ATP7B: variants seen among roughly 807,000 people sequenced by gnomAD.
The protein encoded by ATP7B is copper-transporting ATPase 2.
A neutral mutation model predicts 118.9 loss-of-function variants in ATP7B; 113 were observed. The observed-to-expected ratio is 0.95, with a 90% CI of 0.82 to 1.11. ATP7B has a LOEUF of 1.11. Ranked by LOEUF, ATP7B falls within the 50% of genes most tolerant of loss-of-function variation. The pLI, the probability that ATP7B is intolerant of heterozygous loss-of-function variation, is 0.00. For synonymous variants in ATP7B, 777 were observed against 727.4 expected (o/e 1.07, Z -1.10); for missense variants, 1,867 against 1,871.4 (o/e 1.00, Z 0.04).
chr13:51,963,083 A>T (rs1453326923), intron 5 of ATP7B, among the ~76,000 whole-genome samples: 1 of 151,606 alleles, frequency 6.6e-6, no homozygotes, highest in Non-Finnish European at 1.5e-5. Context: ...CAAGAGCAAA[A>T]CACCAACTCA....
intron 14 of ATP7B, among the ~76,000 whole-genome samples, chr13:51,943,155 T>C (rs1388763603): frequency 6.6e-6 from 1 of 152,168 alleles, no homozygotes; most frequent in Non-Finnish European, 1.5e-5. Context: ...GTTGTTCTCC[T>C]GAGCCTGACG....
At chr13:52,005,703 C>T (rs555373772) in intron 1 of ATP7B, among the ~76,000 whole-genome samples, 2 of 152,344 alleles carry the variant, frequency 1.3e-5, no homozygotes, top group South Asian at 4.1e-4. Flanking sequence ...TACCTCCAAA[C>T]TCTTCCAGCC....
chr13:51,984,594 A>T (rs910733564), intron 1 of ATP7B, among the ~76,000 whole-genome samples: 1 of 152,134 alleles, frequency 6.6e-6, no homozygotes, highest in African/African-American at 2.4e-5. Flanking sequence ...AAGAAGAGCA[A>T]CCCCAAGACA....
chr13:51,951,260 A>C (rs1402914013), intron 9 of ATP7B, among the ~76,000 whole-genome samples: 1 of 152,100 alleles, frequency 6.6e-6, no homozygotes, highest in Non-Finnish European at 1.5e-5. Flanking sequence ...GAGGGTAAAG[A>C]AAGGAATCAA....
chr13:51,964,528 C>T (rs2147362), intron 5 of ATP7B, among the ~76,000 whole-genome samples: 1 of 152,184 alleles, frequency 6.6e-6, no homozygotes, highest in Non-Finnish European at 1.5e-5. Flanking sequence ...ACAGATACTT[C>T]GTTTGGGCAA....
At chr13:52,006,023 T>A (rs191627352) in intron 1 of ATP7B, among the ~76,000 whole-genome samples, 1 of 152,264 alleles carries the variant, frequency 6.6e-6, no homozygotes, top group East Asian at 1.9e-4. Context: ...ACAAACAGCA[T>A]GAGCGATCTG....
intron 17 of ATP7B, among the ~76,000 whole-genome samples, chr13:51,938,292 C>T (rs1957096420): frequency 6.6e-6 from 1 of 152,224 alleles, no homozygotes; most frequent in Admixed American, 6.5e-5. Context: ...GTCCACCTTC[C>T]TGCAAGACCA....
intron 1 of ATP7B, among the ~76,000 whole-genome samples, chr13:51,992,839 A>G (rs1304300879): frequency 6.6e-6 from 1 of 151,694 alleles, no homozygotes; most frequent in Non-Finnish European, 1.5e-5. Flanking sequence ...TTAGCTAGGT[A>G]TGGTGTCAGG....
chr13:52,007,392 T>C (rs1441760743), intron 1 of ATP7B, among the ~76,000 whole-genome samples: 2 of 152,132 alleles, frequency 1.3e-5, no homozygotes, highest in East Asian at 3.9e-4. Context: ...CTGGCTCAGT[T>C]TCCCCATCTG....
At chr13:51,988,379 T>C (rs954387466) in intron 1 of ATP7B, among the ~76,000 whole-genome samples, 1 of 152,146 alleles carries the variant, frequency 6.6e-6, no homozygotes, top group Non-Finnish European at 1.5e-5. Context: ...CCAGTTAGGA[T>C]GGCAATCATT....
chr13:51,995,225 C>G (rs1953146529), intron 1 of ATP7B: 6 of 906,634 alleles, frequency 6.6e-6, no homozygotes, highest in Non-Finnish European at 7.9e-6. Context: ...TCCCCAATAT[C>G]CCACACAAGA....
chr13:51,997,790 C>T (rs1310818181), intron 1 of ATP7B, among the ~76,000 whole-genome samples: 1 of 152,188 alleles, frequency 6.6e-6, no homozygotes, highest in Admixed American at 6.5e-5. Context: ...TGGATCACAG[C>T]AGGTGACAAA....
intron 1 of ATP7B, among the ~76,000 whole-genome samples, chr13:51,984,583 C>A (rs1952565371): frequency 6.6e-6 from 1 of 152,072 alleles, no homozygotes; most frequent in Admixed American, 6.6e-5. Flanking sequence ...AGATACTCCT[C>A]AAGAAGAGCA....
chr13:51,942,190 G>A (rs1593664556), intron 15 of ATP7B, among the ~76,000 whole-genome samples, 196 bp downstream of exon 15: 1 of 152,178 alleles, frequency 6.6e-6, no homozygotes, highest in African/African-American at 2.4e-5. Flanking sequence ...TGAATTTAAG[G>A]CAGCCATAAG....
chr13:51,957,907 G>A (rs890212381), intron 8 of ATP7B: 3 of 468,060 alleles, frequency 6.4e-6, no homozygotes, highest in African/African-American at 5.9e-5. Context: ...TTCTTTTAGG[G>A]CCTGAGTTCC....
rs1477822616 is a variant in ATP7B, at chr13:51,946,409, G to A, written c.2935C>T (p.Leu979=). Reference sequence around the variant, plus strand: ...AGGGAGCAGGGGCAGGCAATGCACAGCACCGTGATGGACGTCTGGAAAGCA... The same window carrying A: ...AGGGAGCAGGGGCAGGCAATGCACAACACCGTGATGGACGTCTGGAAAGCA... ...RFAFQTSITV[L]CIACPCSLGL... The change falls in exon 13 of 21, where the codon CTG becomes TTG. Residue 979 remains leucine, a synonymous_variant. Transcript: ENST00000242839. 1.2e-6 allele frequency: 2 copies of A among 1,614,166 alleles called. No individual in the cohort carries two copies. The highest frequency in any genetic ancestry group is 1.7e-6 in the Non-Finnish European group (2 of 1,180,046).
At chr13:51,962,402 AC>A (rs1408502056) in intron 5 of ATP7B, among the ~76,000 whole-genome samples, 2 of 152,192 alleles carry the variant, frequency 1.3e-5, no homozygotes, top group Non-Finnish European at 2.9e-5. Context: ...AACAGAGCCT[AC>A]ACCGCAATCT....
chr13:51,958,480 A>G lies in ATP7B; in HGVS notation c.2186T>C (p.Met729Thr), dbSNP rs1958503397. The G allele has an allele frequency of 1.9e-6, 3 of 1,614,258 alleles. No individual in the cohort carries two copies. The highest frequency in any genetic ancestry group is 2.5e-6 in the Non-Finnish European group (3 of 1,180,054). The change falls in exon 8 of 21, where the codon ATG (methionine) becomes ACG (threonine). Residue 729 changes from methionine to threonine, a missense_variant. By Grantham distance (81) the Met-to-Thr change is moderately conservative. Coordinates refer to ENST00000242839, the MANE Select transcript of ATP7B (RefSeq NM_000053.4). ...YKSLRHRSANMDVLIVLATSI... is the reference protein window; with the variant it reads ...YKSLRHRSANTDVLIVLATSI... ...TGTGGCCAGGACGATGAGCACGTCCATGTTGGCTGACCTGTGTCTCAGAGA... is the reference window on the plus strand; with the variant it reads ...TGTGGCCAGGACGATGAGCACGTCCGTGTTGGCTGACCTGTGTCTCAGAGA...
chr13:51,952,789 C>T (rs184377608), intron 9 of ATP7B, among the ~76,000 whole-genome samples: 14 of 152,298 alleles, frequency 9.2e-5, no homozygotes, highest in African/African-American at 3.4e-4. Context: ...CCTGTGATTA[C>T]GTGAGATGCT....
Sources: allele counts gnomAD v4.1 joint callset (sites outside exome capture counted in the v4.1 genomes callset), GRCh38; gene constraint gnomAD v4.1.1; transcripts MANE v1.5; gene names NCBI Gene and HGNC (gene_info 2026-07-23, HGNC 2026-07-21).